The following ARNT2 variants were observed in gnomAD, a reference collection of about 807,000 sequenced individuals.
ARNT2 encodes the protein ARNT protein 2.
Under a neutral mutation model 91.7 loss-of-function variants are expected in ARNT2, and 36 were observed. That is an observed-to-expected ratio of 0.39 (90% CI 0.30 to 0.52). ARNT2 has a LOEUF of 0.52. Among genes scored for constraint, ARNT2 ranks in the 20% least tolerant of loss-of-function variants. ARNT2 has a pLI of 0.72. For missense variants in ARNT2, 775 were observed against 939.3 expected (o/e 0.83, Z 2.29); for synonymous variants, 365 against 347.1 (o/e 1.05, Z -0.57).
chr15:80,407,705 G>T (rs1239822121), intron 1 of ARNT2, among the ~76,000 whole-genome samples: 1 of 148,996 alleles, frequency 6.7e-6, no homozygotes, highest in Non-Finnish European at 1.5e-5. Flanking sequence ...TCCGTTTTGT[G>T]TGTCTGTGTG....
At chr15:80,453,159 C>A (rs1338432485) in intron 2 of ARNT2, among the ~76,000 whole-genome samples, 2 of 152,196 alleles carry the variant, frequency 1.3e-5, no homozygotes, top group South Asian at 2.1e-4. Context: ...AGATGTGGAT[C>A]CTGAGCAGGC....
intron 1 of ARNT2, chr15:80,441,198 G>A (rs1464241690): frequency 6.1e-6 from 6 of 984,552 alleles, no homozygotes; most frequent in African/African-American, 3.5e-5. Context: ...CAGTTGTCAC[G>A]GCTGAATCAT....
intron 2 of ARNT2, among the ~76,000 whole-genome samples, chr15:80,453,814 G>T (rs1343216876): frequency 6.6e-6 from 1 of 152,182 alleles, no homozygotes; most frequent in Admixed American, 6.5e-5. Context: ...GAGGAATGGG[G>T]GTGGTGGAAG....
chr15:80,535,931 TC>T (rs1250631013), intron 8 of ARNT2, among the ~76,000 whole-genome samples: 3 of 152,214 alleles, frequency 2.0e-5, no homozygotes, highest in Non-Finnish European at 4.4e-5. Flanking sequence ...TATTTTTATG[TC>T]TTTTTATGTA....
At chr15:80,472,226 G>A (rs952820071) in intron 4 of ARNT2, among the ~76,000 whole-genome samples, 19 of 152,264 alleles carry the variant, frequency 1.2e-4, no homozygotes, top group Middle Eastern at 3.4e-3. Flanking sequence ...AAGACACAGC[G>A]TGTGGCCAAG....
intron 17 of ARNT2, among the ~76,000 whole-genome samples, chr15:80,583,412 ATG>A (rs1898835588): frequency 6.6e-6 from 1 of 152,204 alleles, no homozygotes; most frequent in Non-Finnish European, 1.5e-5. Flanking sequence ...TGAAGTATAA[ATG>A]GAGACGGGAC....
chr15:80,483,831 C>T (rs1281633670), intron 5 of ARNT2, among the ~76,000 whole-genome samples: 3 of 152,220 alleles, frequency 2.0e-5, no homozygotes, highest in Non-Finnish European at 4.4e-5. Flanking sequence ...CCTCAGCCTA[C>T]CCAAGGCAGC....
chr15:80,556,967 A>C (rs1201547592), intron 11 of ARNT2: 1 of 152,166 alleles, frequency 6.6e-6, no homozygotes, highest in East Asian at 1.9e-4. Flanking sequence ...TGTTCTATTC[A>C]AGTAAAGAGG....
intron 5 of ARNT2, among the ~76,000 whole-genome samples, chr15:80,494,420 G>A (rs1421717166): frequency 2.6e-5 from 4 of 152,110 alleles, no homozygotes; most frequent in Non-Finnish European, 4.4e-5. Context: ...GCCAAGGAGG[G>A]TTAATCATTT....
At chr15:80,458,598 A>G (rs1215543232) in intron 3 of ARNT2, among the ~76,000 whole-genome samples, 1 of 151,934 alleles carries the variant, frequency 6.6e-6, no homozygotes, top group Non-Finnish European at 1.5e-5. Flanking sequence ...TTGCTGGATC[A>G]TGAATGTCCA....
At chr15:80,507,039 A>C (rs934532832) in intron 5 of ARNT2, among the ~76,000 whole-genome samples, 3 of 152,218 alleles carry the variant, frequency 2.0e-5, no homozygotes, top group Admixed American at 1.3e-4. Context: ...TGGGCTGGAC[A>C]CCAAAAGGGG....
At chr15:80,549,276 G>C (rs1408136531) in intron 8 of ARNT2, among the ~76,000 whole-genome samples, 1 of 152,158 alleles carries the variant, frequency 6.6e-6, no homozygotes, top group Non-Finnish European at 1.5e-5. Context: ...AAAAGTATCA[G>C]AGGAAAACAA....
At chr15:80,541,078 G>A (rs1425175460) in intron 8 of ARNT2, among the ~76,000 whole-genome samples, 1 of 152,202 alleles carries the variant, frequency 6.6e-6, no homozygotes, top group African/African-American at 2.4e-5. Context: ...GCTTTCCACA[G>A]TGGCTGAACT....
rs200360378 is a variant in ARNT2, at chr15:80,581,173, G to T, written c.1753-66G>T. ...GCACTGCCCCTGCGACCAGCCTGGG[G>T]CATCGGTTGGGGTGCAGGGGTCTGC... On this transcript the variant is annotated intron_variant, in intron 16 of 18. Coordinates refer to ENST00000303329, the MANE Select transcript of ARNT2 (RefSeq NM_014862.4). 29 of 1,586,776 alleles carry T rather than the reference G, an allele frequency of 1.8e-5. No individual in the cohort carries two copies. In the African/African-American group the frequency reaches 2.1e-4, roughly 12 times the overall value.
chr15:80,549,702 C>T (rs1248699989), intron 8 of ARNT2, among the ~76,000 whole-genome samples: 1 of 152,188 alleles, frequency 6.6e-6, no homozygotes, highest in Non-Finnish European at 1.5e-5. Flanking sequence ...TGTGACAGCA[C>T]ATTCTGTTGG....
intron 8 of ARNT2, among the ~76,000 whole-genome samples, chr15:80,524,810 G>T (rs1167322604): frequency 6.6e-6 from 1 of 151,544 alleles, no homozygotes; most frequent in Non-Finnish European, 1.5e-5. Flanking sequence ...GGGAGGCAGA[G>T]CTTGCAGTGA....
At chr15:80,430,019 GA>G (rs1895986710) in intron 1 of ARNT2, among the ~76,000 whole-genome samples, 2 of 152,278 alleles carry the variant, frequency 1.3e-5, no homozygotes, top group South Asian at 4.2e-4. Context: ...GCAGCCTGGG[GA>G]TGAAAGTGCC....
At position 80,563,026 on chromosome 15, in the gene ARNT2, CCCT is replaced by C; in HGVS notation, c.1165-56_1165-54del. 5 of 1,592,804 alleles carry C rather than the reference CCCT, an allele frequency of 3.1e-6. 1 individual carries two copies. The South Asian group carries it at 3.3e-5, about 11-fold the overall frequency. On this transcript the variant is annotated intron_variant, in intron 11 of 18. Transcript: ENST00000303329. ...CGCAACCCCACTGCCTGCAGCTTCT[CCCT>C]CCTCCCGTTTGGCACCATCCTTCCT...
intron 1 of ARNT2, among the ~76,000 whole-genome samples, chr15:80,419,536 G>A (rs1895832728): frequency 6.6e-6 from 1 of 152,172 alleles, no homozygotes; most frequent in African/African-American, 2.4e-5. Context: ...ATTAATGAGT[G>A]GACTGTGCTG....
Sources: allele counts gnomAD v4.1 joint callset (sites outside exome capture counted in the v4.1 genomes callset), GRCh38; gene constraint gnomAD v4.1.1; transcripts MANE v1.5; gene names NCBI Gene and HGNC (gene_info 2026-07-23, HGNC 2026-07-21).